Variants in CNTNAP4 observed in about 807,000 individuals in gnomAD.
The protein encoded by CNTNAP4 is contactin associated protein family member 4.
In CNTNAP4, 98 loss-of-function variants were observed where a neutral mutation model predicts 148.4. The observed-to-expected ratio is 0.66, with a 90% CI of 0.56 to 0.78. The LOEUF (loss-of-function observed/expected upper bound fraction) is 0.78. Among genes scored for constraint, CNTNAP4 ranks in the 30% least tolerant of loss-of-function variants. The probability of loss-of-function intolerance (pLI) is 0.00; values close to 1 mark genes in which losing one functional copy is unlikely to be tolerated. For missense variants in CNTNAP4, 1,935 were observed against 1,565.6 expected (o/e 1.24, Z -3.98); for synonymous variants, 730 against 565.1 (o/e 1.29, Z -4.14).
At chr16:76,446,573 GAC>G (rs1027175471) in intron 4 of CNTNAP4, among the ~76,000 whole-genome samples, 6 of 151,998 alleles carry the variant, frequency 3.9e-5, no homozygotes, top group African/African-American at 1.4e-4. Context: ...AAGTAGATAA[GAC>G]AGTCAGAAAG....
intron 10 of CNTNAP4, among the ~76,000 whole-genome samples, chr16:76,475,404 A>T (rs528166929): frequency 6.6e-6 from 1 of 152,164 alleles, no homozygotes; most frequent in Non-Finnish European, 1.5e-5. Flanking sequence ...GAAGACTTAA[A>T]TTATCCTGGG....
intron 4 of CNTNAP4, among the ~76,000 whole-genome samples, chr16:76,446,124 G>A (rs558367766): frequency 1.5e-4 from 23 of 152,130 alleles, no homozygotes; most frequent in African/African-American, 5.5e-4. Context: ...AAAGATGGCT[G>A]CATAAAATAG....
At position 76,502,591 on chromosome 16, in the gene CNTNAP4, GTCAA is replaced by G. The variant is rs1394749868; in HGVS notation, c.2365+3898_2365+3901del. Among the ~76,000 whole-genome samples, 4 of 152,136 alleles carry G rather than the reference GTCAA, an allele frequency of 2.6e-5. No individual in the cohort carries two copies. In the South Asian group the frequency reaches 8.3e-4, roughly 32 times the overall value. On this transcript the variant is annotated intron_variant, in intron 15 of 23. Transcript: ENST00000611870. ...TGATCAGTTATAAATCTAAAGATCA[GTCAA>G]GTGACCTCTGATGTAAGACAAGGAA...
intron 3 of CNTNAP4, among the ~76,000 whole-genome samples, chr16:76,376,907 T>TGTGTG (rs2015471306): frequency 6.6e-4 from 95 of 143,544 alleles, no homozygotes; most frequent in African/African-American, 2.3e-3. Context: ...CTAACAAGGT[T>TGTGTG]TGTGTGTGTG....
chr16:76,321,787 C>CA (rs5817984), intron 2 of CNTNAP4, among the ~76,000 whole-genome samples: 1,117 of 105,266 alleles, frequency 0.011, 10 homozygotes, highest in African/African-American at 0.024. Context: ...GACTCAGTCT[C>CA]AAAAAAAAAA....
In CNTNAP4 at chr16:76,448,083, A is replaced by G. The variant is rs535671239; in HGVS notation, c.610A>G (p.Ile204Val). 61 of 1,613,800 alleles carry G rather than the reference A, an allele frequency of 3.8e-5. No homozygotes were observed. In the Middle Eastern group the frequency reaches 1.2e-3, roughly 31 times the overall value. The part of the protein sequence containing the change: ...YRFDQKSLSP[I>V]KDIISLKFKT... ...ATTTGATCAAAAATCCCTGAGCCCA[A>G]TAAAAGACATTATTTCTTTGAAATT... is the stretch of plus-strand genomic sequence containing the variant. The change falls in exon 5 of 24, where the codon ATA (isoleucine) becomes GTA (valine). Residue 204 changes from isoleucine to valine, a missense_variant. Coordinates refer to ENST00000611870, the MANE Select transcript of CNTNAP4 (RefSeq NM_033401.5).
chr16:76,294,487 T>C (rs1473411435), intron 1 of CNTNAP4, among the ~76,000 whole-genome samples: 5 of 152,212 alleles, frequency 3.3e-5, no homozygotes, highest in Non-Finnish European at 5.9e-5. Flanking sequence ...ATGTACTCTG[T>C]AATAGCACAC....
At chr16:76,327,685 G>A (rs1005312817) in intron 2 of CNTNAP4, among the ~76,000 whole-genome samples, 3 of 152,104 alleles carry the variant, frequency 2.0e-5, no homozygotes, top group African/African-American at 7.2e-5. Flanking sequence ...GCCTTCCCCT[G>A]GGAGTCCACT....
At position 76,283,624 on chromosome 16, in the gene CNTNAP4, C is replaced by G. The variant is rs140552800; in HGVS notation, c.85+5877C>G. Among the ~76,000 whole-genome samples, 583 of 151,972 alleles carry G rather than the reference C, an allele frequency of 3.8e-3. 1 individual carries two copies. Among genetic ancestry groups the G allele is most frequent in the Non-Finnish European group, 6.0e-3 (409 of 67,890 alleles). ...GCTAAATGATGAGAACACATGGACACATAGAGGGAAACAACACACACTGGG... is the reference window on the plus strand; with the variant it reads ...GCTAAATGATGAGAACACATGGACAGATAGAGGGAAACAACACACACTGGG... On this transcript the variant is annotated intron_variant, in intron 1 of 23. Coordinates refer to ENST00000611870, the MANE Select transcript of CNTNAP4 (RefSeq NM_033401.5).
intron 15 of CNTNAP4, among the ~76,000 whole-genome samples, chr16:76,514,927 A>G (rs2083187692): frequency 6.6e-6 from 1 of 152,192 alleles, no homozygotes; most frequent in African/African-American, 2.4e-5. Flanking sequence ...AATATTCTTC[A>G]CATCAGCATT....
intron 4 of CNTNAP4, among the ~76,000 whole-genome samples, chr16:76,436,961 A>ATATCTATCTATC (rs780750972): frequency 0.23 from 32,200 of 140,072 alleles, 3,724 homozygotes; most frequent in Middle Eastern, 0.29. Flanking sequence ...CTAATACAGA[A>ATATCTATCTATC]TATCTATCTA....
In CNTNAP4 at chr16:76,461,128, T is replaced by G. The variant is rs560181421; in HGVS notation, c.1334-828T>G. Among the ~76,000 whole-genome samples the G allele has an allele frequency of 5.9e-5, 9 of 152,270 alleles. No homozygotes were observed. The South Asian group carries it at 1.9e-3, about 32-fold the overall frequency. ...TCCAAAAGACACATCACAGCCTTCTTGCTCTTAGGAATGCTAGACAACAGT... is the reference window on the plus strand; with the variant it reads ...TCCAAAAGACACATCACAGCCTTCTGGCTCTTAGGAATGCTAGACAACAGT... On this transcript the variant is annotated intron_variant, in intron 8 of 23. Coordinates refer to ENST00000611870, the MANE Select transcript of CNTNAP4 (RefSeq NM_033401.5).
rs138729721 is a variant in CNTNAP4, at chr16:76,442,137, A to G, written c.539-5875A>G. Among the ~76,000 whole-genome samples, 146 of 152,220 alleles carry G rather than the reference A, an allele frequency of 9.6e-4. 1 individual carries two copies. The highest frequency in any genetic ancestry group is 3.3e-3 in the African/African-American group (139 of 41,550). ...GATGTAATCACAAGGGTCCTTATAA[A>G]AGGGAAGTAGGAGGCAGGGAGGGAG... On this transcript the variant is annotated intron_variant, in intron 4 of 23. Transcript: ENST00000611870.
intron 3 of CNTNAP4, among the ~76,000 whole-genome samples, chr16:76,362,896 C>A (rs767278955): frequency 4.6e-5 from 7 of 151,882 alleles, no homozygotes; most frequent in African/African-American, 1.7e-4. Flanking sequence ...ATGCCTGAAC[C>A]TAAAATAGAA....
intron 2 of CNTNAP4, among the ~76,000 whole-genome samples, chr16:76,347,777 C>A (rs1217616463): frequency 1.3e-5 from 2 of 151,400 alleles, no homozygotes; most frequent in African/African-American, 4.9e-5. Context: ...AGCAAGGAGG[C>A]CATTGTAAAT....
chr16:76,483,040 AT>A (rs1230436656), intron 12 of CNTNAP4, among the ~76,000 whole-genome samples: 1 of 123,238 alleles, frequency 8.1e-6, no homozygotes, highest in East Asian at 2.4e-4. Flanking sequence ...ATGTTTTATT[AT>A]TTTTTTTCCA....
intron 2 of CNTNAP4, among the ~76,000 whole-genome samples, chr16:76,317,364 G>A (rs1567680826): frequency 6.7e-6 from 1 of 149,304 alleles, no homozygotes; most frequent in African/African-American, 2.5e-5. Flanking sequence ...ATGTTAAAAG[G>A]AAACTGAAGA....
At chr16:76,398,927 CCT>C (rs761952442) in intron 3 of CNTNAP4, among the ~76,000 whole-genome samples, 2 of 151,922 alleles carry the variant, frequency 1.3e-5, no homozygotes, top group South Asian at 2.1e-4. Context: ...AATAATCCCC[CCT>C]GTGTCAAGGG....
At chr16:76,397,027 G>A (rs2078226790) in intron 3 of CNTNAP4, among the ~76,000 whole-genome samples, 1 of 152,130 alleles carries the variant, frequency 6.6e-6, no homozygotes, top group Non-Finnish European at 1.5e-5. Flanking sequence ...CAATGGAGAG[G>A]AATTCATAAA....
Sources: allele counts gnomAD v4.1 joint callset (sites outside exome capture counted in the v4.1 genomes callset), GRCh38; gene constraint gnomAD v4.1.1; transcripts MANE v1.5; gene names NCBI Gene and HGNC (gene_info 2026-07-23, HGNC 2026-07-21).